Variants in SCFD2 observed in about 807,000 individuals in gnomAD.
SCFD2 encodes sec1 family domain containing 2.
In SCFD2, 54 loss-of-function variants were observed where a neutral mutation model predicts 58.9. That is an observed-to-expected ratio of 0.92 (90% CI 0.74 to 1.15). The LOEUF (loss-of-function observed/expected upper bound fraction) is 1.15, where lower values mean the gene tolerates loss of function less well. Ranked by LOEUF, SCFD2 falls within the 50% of genes most tolerant of loss-of-function variation. The pLI is 0.00. For missense variants in SCFD2, 805 were observed against 836.6 expected, an observed-to-expected ratio of 0.96 and a Z score of 0.47; for synonymous variants, 321 against 335.9, an observed-to-expected ratio of 0.96 and a Z score of 0.49.
intron 4 of SCFD2, among the ~76,000 whole-genome samples, chr4:53,248,434 G>A (rs555620434): frequency 6.6e-6 from 1 of 152,194 alleles, no homozygotes; most frequent in East Asian, 1.9e-4. Flanking sequence ...GCTCAAGGAG[G>A]CCTGCCTGCC....
intron 4 of SCFD2, among the ~76,000 whole-genome samples, chr4:53,151,894 T>C (rs1726518691): frequency 6.6e-6 from 1 of 152,102 alleles, no homozygotes; most frequent in Non-Finnish European, 1.5e-5. Flanking sequence ...GCACATCACA[T>C]GATAAGAGAG....
chr4:53,105,019 G>C (rs1404269338), intron 5 of SCFD2, among the ~76,000 whole-genome samples: 1 of 152,128 alleles, frequency 6.6e-6, no homozygotes, highest in Non-Finnish European at 1.5e-5. Context: ...TCAGACAATG[G>C]GTGCAGCTCA....
In SCFD2 at chr4:53,147,202, C is replaced by T. The variant is rs187624225; in HGVS notation, c.1312-1620G>A. ...AAGAAGAAAAGCTTTATTGTGGATA[C>T]AGTTTACATAGGAAAAGTCACGTTA... On this transcript the variant is annotated intron_variant, in intron 4 of 8. Coordinates refer to ENST00000401642, the MANE Select transcript of SCFD2 (RefSeq NM_152540.4). Among the ~76,000 whole-genome samples, 5 of 152,200 alleles carry T rather than the reference C, an allele frequency of 3.3e-5. No homozygotes were observed. The East Asian group carries it at 9.7e-4, about 29-fold the overall frequency.
intron 2 of SCFD2, among the ~76,000 whole-genome samples, chr4:53,332,065 A>T (rs1294406978): frequency 6.6e-6 from 1 of 152,200 alleles, no homozygotes; most frequent in Non-Finnish European, 1.5e-5. Flanking sequence ...TGAATCTCTG[A>T]ATAGACCAAT....
intron 3 of SCFD2, among the ~76,000 whole-genome samples, chr4:53,289,925 G>C (rs2149085098): frequency 6.6e-6 from 1 of 152,146 alleles, no homozygotes; most frequent in African/African-American, 2.4e-5. Flanking sequence ...TTCATCAAGA[G>C]GACATAACAA....
At chr4:52,997,427 T>C (rs2062187) in intron 5 of SCFD2, among the ~76,000 whole-genome samples, 14,857 of 152,206 alleles carry the variant, frequency 0.098, 960 homozygotes, top group South Asian at 0.18. Flanking sequence ...CCTATTGTAG[T>C]GTGTCTTCTC....
At chr4:52,971,849 G>T (rs1011570702) in intron 5 of SCFD2, among the ~76,000 whole-genome samples, 1 of 152,186 alleles carries the variant, frequency 6.6e-6, no homozygotes, top group Non-Finnish European at 1.5e-5. Context: ...AGAAGAGAGT[G>T]GGGGCCAATA....
chr4:53,348,127 C>T (rs186037451), intron 2 of SCFD2, among the ~76,000 whole-genome samples: 1 of 152,282 alleles, frequency 6.6e-6, no homozygotes, highest in East Asian at 1.9e-4. Context: ...TGTTAAAATG[C>T]ATTTTAAGTT....
At chr4:53,289,843 T>A (rs1313173658) in intron 3 of SCFD2, among the ~76,000 whole-genome samples, 1 of 152,136 alleles carries the variant, frequency 6.6e-6, no homozygotes, top group Non-Finnish European at 1.5e-5. Context: ...TAGCTATACT[T>A]AGATAAAATA....
intron 5 of SCFD2, among the ~76,000 whole-genome samples, chr4:53,110,120 T>A (rs1245288156): frequency 6.6e-6 from 1 of 151,082 alleles, no homozygotes; most frequent in African/African-American, 2.4e-5. Context: ...TTAACAAATC[T>A]GACAAAAACA....
intron 5 of SCFD2, among the ~76,000 whole-genome samples, chr4:53,123,714 C>T (rs548127276): frequency 6.6e-6 from 1 of 152,308 alleles, no homozygotes; most frequent in South Asian, 2.1e-4. Context: ...AAGGGCAAGG[C>T]CCTGGGTAGC....
At chr4:52,925,006 C>T (rs1719829772) in intron 5 of SCFD2, among the ~76,000 whole-genome samples, 2 of 152,202 alleles carry the variant, frequency 1.3e-5, no homozygotes, top group Non-Finnish European at 2.9e-5. Flanking sequence ...GTTGCTCACA[C>T]TATGCTAGAA....
intron 5 of SCFD2, among the ~76,000 whole-genome samples, chr4:52,977,404 G>T (rs903530292): frequency 1.2e-4 from 19 of 152,012 alleles, no homozygotes; most frequent in Non-Finnish European, 2.2e-4. Flanking sequence ...GGTCAAGGGG[G>T]TCAGGGCTGG....
chr4:53,055,418 C>T (rs116355195), intron 5 of SCFD2, among the ~76,000 whole-genome samples: 4 of 152,218 alleles, frequency 2.6e-5, no homozygotes, highest in Admixed American at 6.5e-5. Flanking sequence ...AGCATTTAAA[C>T]GTTCACAGCT....
At chr4:53,055,633 A>G (rs1467745019) in intron 5 of SCFD2, among the ~76,000 whole-genome samples, 1 of 152,138 alleles carries the variant, frequency 6.6e-6, no homozygotes, top group Admixed American at 6.5e-5. Context: ...CAATGACTAC[A>G]TGCCAAAAAT....
chr4:53,001,221 C>T (rs1721858637), intron 5 of SCFD2, among the ~76,000 whole-genome samples: 1 of 152,162 alleles, frequency 6.6e-6, no homozygotes, highest in Admixed American at 6.5e-5. Context: ...CTGAAGATGT[C>T]TCCCACAAAG....
chr4:53,163,598 T>A (rs1726919025), intron 4 of SCFD2, among the ~76,000 whole-genome samples: 1 of 152,136 alleles, frequency 6.6e-6, no homozygotes. Flanking sequence ...CTGGGCATGA[T>A]GGCAGACACC....
chr4:52,891,527 T>G (rs1718877055), intron 7 of SCFD2, among the ~76,000 whole-genome samples: 1 of 152,246 alleles, frequency 6.6e-6, no homozygotes, highest in Non-Finnish European at 1.5e-5. Context: ...GCGGCTGAAC[T>G]AGTAAGCTGT....
intron 5 of SCFD2, chr4:52,945,825 C>T (rs572617333): frequency 6.6e-6 from 1 of 152,114 alleles, no homozygotes; most frequent in East Asian, 1.9e-4. Flanking sequence ...CTTTCTCTAA[C>T]CTTTCAGTTA....
Sources: allele counts gnomAD v4.1 joint callset (sites outside exome capture counted in the v4.1 genomes callset), GRCh38; gene constraint gnomAD v4.1.1; transcripts MANE v1.5; gene names NCBI Gene and HGNC (gene_info 2026-07-23, HGNC 2026-07-21).